Variants in HIPK1 observed in about 807,000 individuals in gnomAD.
HIPK1 encodes the protein homeodomain-interacting protein kinase 1.
Under a neutral mutation model 117.1 loss-of-function variants are expected in HIPK1, and 28 were observed. The ratio of observed to expected loss-of-function variants is 0.24; its 90% CI spans 0.18 to 0.33. HIPK1 has a LOEUF of 0.33. Among genes scored for constraint, HIPK1 ranks in the 10% least tolerant of loss-of-function variants. HIPK1 has a pLI of 1.00. For missense variants in HIPK1, 1,122 were observed against 1,475.1 expected, an observed-to-expected ratio of 0.76 and a Z score of 3.92; for synonymous variants, 605 against 562.5, an observed-to-expected ratio of 1.08 and a Z score of -1.07.
At position 113,971,446 on chromosome 1, in the gene HIPK1, A is replaced by G. The variant is rs74111912; in HGVS notation, c.3014-378A>G. ...CTCTTGCCACTTTAATATCCTAAGA[A>G]TTACCAATAGCTTTCTCAGCTTCAC... On this transcript the variant is annotated intron_variant, in intron 14 of 15. Transcript: ENST00000426820. Among the ~76,000 whole-genome samples, 1,473 of 152,342 alleles carry G rather than the reference A, an allele frequency of 9.7e-3. 18 individuals are homozygous for G. Among genetic ancestry groups the G allele is most frequent in the African/African-American group, 0.034 (1,408 of 41,566 alleles).
intron 2 of HIPK1, chr1:113,951,096 G>A (rs1671334036): frequency 3.1e-6 from 1 of 326,582 alleles, no homozygotes; most frequent in Non-Finnish European, 4.4e-6. Flanking sequence ...ATTGTTGTAA[G>A]GATTAAGTGA....
In HIPK1 at chr1:113,958,131, C is replaced by G; in HGVS notation, c.1821C>G (p.Val607=). The G allele has an allele frequency of 1.9e-6, 3 of 1,614,180 alleles. No individual in the cohort carries two copies. The highest frequency in any genetic ancestry group is 2.5e-6 in the Non-Finnish European group (3 of 1,180,018). ...AATLSLANSD[V]SLLNYQSALY... is the part of the protein sequence containing the mutation. ...CTCTTTCTCTGGCTAATTCAGATGT[C>G]TCACTACTAAACTACCAGTCAGCTT... The change falls in exon 8 of 16, where the codon GTC becomes GTG. Residue 607 remains valine (V), a synonymous_variant. Transcript: ENST00000426820.
chr1:113,938,288 CT>C (rs1315545881), intron 1 of HIPK1, among the ~76,000 whole-genome samples: 127 of 144,180 alleles, frequency 8.8e-4, no homozygotes, highest in Middle Eastern at 3.6e-3. Context: ...CTTTTCTTTT[CT>C]TTTTTTTTTT....
intron 10 of HIPK1, among the ~76,000 whole-genome samples, chr1:113,965,362 G>A (rs368760646): frequency 1.9e-4 from 29 of 152,166 alleles, no homozygotes; most frequent in African/African-American, 6.3e-4. Flanking sequence ...TTTATTGCAA[G>A]TGACATGGCT....
At chr1:113,945,649 T>G (rs980528108) in intron 2 of HIPK1, among the ~76,000 whole-genome samples, 3 of 152,228 alleles carry the variant, frequency 2.0e-5, no homozygotes, top group African/African-American at 4.8e-5. Flanking sequence ...TATATACAAA[T>G]AATTCTTATC....
At chr1:113,945,076 T>C (rs955403386) in intron 2 of HIPK1, among the ~76,000 whole-genome samples, 8 of 151,512 alleles carry the variant, frequency 5.3e-5, no homozygotes, top group African/African-American at 1.7e-4. Context: ...CTCAAACTCA[T>C]AGGCTCAAGT....
chr1:113,967,259 T>G (rs750377082), intron 11 of HIPK1, among the ~76,000 whole-genome samples: 2 of 152,198 alleles, frequency 1.3e-5, no homozygotes, highest in Non-Finnish European at 2.9e-5. Flanking sequence ...GATTGCTGGA[T>G]CATATGGTAG....
At chr1:113,964,257 T>C (rs984655294) in intron 10 of HIPK1, among the ~76,000 whole-genome samples, 1 of 152,238 alleles carries the variant, frequency 6.6e-6, no homozygotes, top group African/African-American at 2.4e-5. Flanking sequence ...AATAGGTCTT[T>C]ATACAAAGGT....
At chr1:113,939,772 G>A (rs920077587) in intron 1 of HIPK1, among the ~76,000 whole-genome samples, 16 of 152,246 alleles carry the variant, frequency 1.1e-4, no homozygotes, top group African/African-American at 3.9e-4. Flanking sequence ...TATGTCAGAT[G>A]TTTGGACTTT....
rs780848713 is a variant in HIPK1, at chr1:113,973,463, C to G, written c.3584C>G (p.Thr1195Ser). The G allele has an allele frequency of 5.2e-5, 84 of 1,612,336 alleles. No homozygotes were observed. Among genetic ancestry groups the G allele is most frequent in the African/African-American group, 1.3e-5 (1 of 74,924 alleles). The change falls in exon 16 of 16, where the codon ACT becomes AGT. Residue 1195 changes from threonine (T) to serine (S), a missense_variant. Transcript: ENST00000426820. ...IGSSRGSTIYTGYPLSPTKIS... is the reference protein window; with the variant it reads ...IGSSRGSTIYSGYPLSPTKIS... ...TCTTCCCGAGGCTCAACAATTTACA[C>G]TGGATACCCGCTGAGTCCTACCAAG...
intron 2 of HIPK1, among the ~76,000 whole-genome samples, chr1:113,942,532 C>T (rs1267581028): frequency 6.6e-6 from 1 of 152,188 alleles, no homozygotes; most frequent in Non-Finnish European, 1.5e-5. Flanking sequence ...TCTGTAGTAG[C>T]ATGAATTGAA....
chr1:113,946,809 G>A (rs191599488), intron 2 of HIPK1, among the ~76,000 whole-genome samples: 35 of 152,296 alleles, frequency 2.3e-4, no homozygotes, highest in African/African-American at 7.7e-4. Context: ...AGTGCCCAGG[G>A]CTTGACAGTG....
intron 15 of HIPK1, among the ~76,000 whole-genome samples, chr1:113,972,528 G>C (rs1672907133): frequency 6.6e-6 from 1 of 152,310 alleles, no homozygotes; most frequent in African/African-American, 2.4e-5. Flanking sequence ...ATGTCCACCA[G>C]TAGTGAGAAA....
chr1:113,958,315 A>G (rs1437637103), intron 8 of HIPK1, 24 bp downstream of exon 8: 2 of 1,531,582 alleles, frequency 1.3e-6, no homozygotes, highest in South Asian at 2.3e-5. Context: ...CTCCTGTATC[A>G]TATGGTATTG....
chr1:113,930,546 C>G (rs1444979746), intron 1 of HIPK1: 1 of 152,254 alleles, frequency 6.6e-6, no homozygotes, highest in Non-Finnish European at 1.5e-5. Flanking sequence ...CAAAGGGAAA[C>G]TTTTGCTGCC....
In HIPK1 at chr1:113,973,400, A is replaced by G; in HGVS notation, c.3521A>G (p.Gln1174Arg). ...ACTTCTGCCAGCGTGGCCCCTGCTC[A>G]GTACCAACACCAGTTTGCCACCCAA... ...LLTSASVAPA[Q>R]YQHQFATQSY... Residue 1174 changes from glutamine (Q) to arginine (R), a missense_variant, in exon 16 of 16, where the codon CAG (glutamine) becomes CGG (arginine). Transcript: ENST00000426820. The G allele has an allele frequency of 6.2e-7, 1 of 1,614,154 alleles. No homozygotes were observed. Among genetic ancestry groups the G allele is most frequent in the Non-Finnish European group, 8.5e-7 (1 of 1,180,016 alleles).
At position 113,963,400 on chromosome 1, in the gene HIPK1, C is replaced by T; in HGVS notation, c.2117C>T (p.Pro706Leu). 6.2e-7 allele frequency: 1 copy of T among 1,614,192 alleles called. No individual in the cohort carries two copies. Among genetic ancestry groups the T allele is most frequent in the South Asian group, 1.1e-5 (1 of 91,072 alleles). The stretch of plus-strand genomic sequence containing the variant: ...TCTACGTTTCAGGGAAGCTGTACAC[C>T]ACTAATGGTAGCAACTCTCCACCCT... Reference protein sequence around the residue: ...SGVLTQGSCTPLMVATLHPQV... With the variant: ...SGVLTQGSCTLLMVATLHPQV... The change falls in exon 10 of 16, where the codon CCA (proline) becomes CTA (leucine). Residue 706 changes from proline (P) to leucine (L), a missense_variant. Pro to Leu is a moderately conservative substitution (Grantham distance 98). This residue lies in a region of HIPK1 where 731 missense variants were observed against 860.4 expected (regional missense o/e 0.85). Transcript: ENST00000426820.
chr1:113,966,607 T>G lies in HIPK1; in HGVS notation c.2381+335T>G, dbSNP rs954956164. 4.6e-5 allele frequency among the ~76,000 whole-genome samples: 7 copies of G among 152,310 alleles called. No individual in the cohort carries two copies. The East Asian group carries it at 1.2e-3, about 25-fold the overall frequency. ...AATTCTTTTTTTCTAATGTTTAATT[T>G]TTGTGATTACATACTAGGTATATAT... On this transcript the variant is annotated intron_variant, in intron 11 of 15. Coordinates refer to ENST00000426820, the MANE Select transcript of HIPK1 (RefSeq NM_198268.3).
chr1:113,974,169 TTCTC>T lies in HIPK1; in HGVS notation c.*660_*663del, dbSNP rs1421401135. ...GTATTACTCTGTGTTACTATTGAGA[TTCTC>T]TCAATTGCTCCTGTGTTTGTTATAA... On this transcript the variant is annotated 3_prime_UTR_variant, in exon 16 of 16. Coordinates refer to ENST00000426820, the MANE Select transcript of HIPK1 (RefSeq NM_198268.3). 6.6e-6 allele frequency: 1 copy of T among 152,368 alleles called. No homozygotes were observed. The highest frequency in any genetic ancestry group is 6.5e-5 in the Admixed American group (1 of 15,288). The allele number at this position is 152,368 out of a possible 1,614,324, so 9.4% of individuals were successfully genotyped here.
Sources: gnomAD v4.1 joint callset for allele counts (sites outside exome capture counted in the v4.1 genomes callset) on GRCh38, gnomAD v4.1.1 for gene constraint, gnomAD v4.1.1 regional missense constraint, MANE v1.5 for transcripts, NCBI Gene and HGNC (gene_info 2026-07-23, HGNC 2026-07-21) for gene names.